Variants in ACTA2 observed in about 807,000 individuals in gnomAD.
ACTA2 encodes the protein actin, aortic smooth muscle.
In ACTA2, 12 loss-of-function variants were observed where a neutral mutation model predicts 39.5. The observed-to-expected ratio is 0.30, with a 90% CI of 0.19 to 0.49. The LOEUF (loss-of-function observed/expected upper bound fraction) is 0.49. Ranked by LOEUF, ACTA2 falls within the 20% of genes least tolerant of loss-of-function variation. The probability of loss-of-function intolerance (pLI) is 0.99; values close to 1 mark genes in which losing one functional copy is unlikely to be tolerated. For synonymous variants in ACTA2, 158 were observed against 180.6 expected, an observed-to-expected ratio of 0.88 and a Z score of 1.00; for missense variants, 236 against 498.8, an observed-to-expected ratio of 0.47 and a Z score of 5.02.
chr10:88,985,373 C>T (rs10887876), intron 1 of ACTA2, among the ~76,000 whole-genome samples: 22,679 of 152,176 alleles, frequency 0.15, 2,031 homozygotes, highest in East Asian at 0.42. Context: ...AAAACTCTTT[C>T]TCCCCATTGT....
At chr10:88,960,516 T>C (rs562731167) in intron 1 of ACTA2, among the ~76,000 whole-genome samples, 2 of 152,212 alleles carry the variant, frequency 1.3e-5, no homozygotes, top group Admixed American at 6.5e-5. Context: ...AAAAAAGCCA[T>C]ACCAAGAAGG....
chr10:88,939,207 G>C (rs937006956), intron 7 of ACTA2, among the ~76,000 whole-genome samples: 5 of 152,140 alleles, frequency 3.3e-5, no homozygotes, highest in African/African-American at 1.2e-4. Context: ...TCAGCCTTCA[G>C]CACACCCTTG....
intron 1 of ACTA2, among the ~76,000 whole-genome samples, chr10:88,970,678 T>C (rs1335659372): frequency 6.6e-6 from 1 of 152,032 alleles, no homozygotes; most frequent in Non-Finnish European, 1.5e-5. Context: ...ATGAGAACAC[T>C]TGGACACAGG....
In ACTA2 at chr10:88,948,911, C is replaced by T; in HGVS notation, c.20G>A (p.Ser7Asn). ...GCCATTGTCACACACCAAGGCAGTG[C>T]TGTCCTCTTCTTCACACATAGCTGG... MCEEED[S>N]TALVCDNGSG... Residue 7 changes from serine (S) to asparagine (N), a missense_variant, in exon 2 of 9, where the codon AGC (serine) becomes AAC (asparagine). By Grantham distance (46) the Ser-to-Asn change is conservative. Coordinates refer to ENST00000224784, the MANE Select transcript of ACTA2 (RefSeq NM_001613.4). 2.5e-6 allele frequency: 4 copies of T among 1,613,834 alleles called. No homozygotes were observed. Among genetic ancestry groups the T allele is most frequent in the Non-Finnish European group, 3.4e-6 (4 of 1,179,814 alleles).
In ACTA2 at chr10:88,935,336, C is replaced by G; in HGVS notation, c.1021G>C (p.Val341Leu). 6.2e-7 allele frequency: 1 copy of G among 1,613,918 alleles called. No homozygotes were observed. The highest frequency in any genetic ancestry group is 8.5e-7 in the Non-Finnish European group (1 of 1,179,872). Reference protein sequence around the residue: ...IIAPPERKYSVWIGGSILASL... With the variant: ...IIAPPERKYSLWIGGSILASL... ...GCCAGGATGGAGCCACCGATCCAGACAGAGTATTTGCGCTCCGGAGGGGCA... is the reference window on the plus strand; with the variant it reads ...GCCAGGATGGAGCCACCGATCCAGAGAGAGTATTTGCGCTCCGGAGGGGCA... Residue 341 changes from valine (V) to leucine (L), a missense_variant, in exon 9 of 9, where the codon GTC (valine) becomes CTC (leucine). By Grantham distance (32) the Val-to-Leu change is conservative. Transcript: ENST00000224784.
In ACTA2 at chr10:88,969,948, A is replaced by G. The variant is rs188346795; in HGVS notation, c.-24+20991T>C. ...TTTATGTTGAATGAATGAATGAACG[A>G]ATGAATGAATGCCTCTAACTCTTCA... On this transcript the variant is annotated intron_variant, in intron 1 of 4. Transcript: ENST00000415557. 1.7e-3 allele frequency among the ~76,000 whole-genome samples: 257 copies of G among 152,320 alleles called. No individual in the cohort carries two copies. In the Middle Eastern group the frequency reaches 0.02, roughly 12 times the overall value.
chr10:88,975,556 T>A (rs1364802312), intron 1 of ACTA2, among the ~76,000 whole-genome samples: 1 of 152,074 alleles, frequency 6.6e-6, no homozygotes, highest in Non-Finnish European at 1.5e-5. Flanking sequence ...AAGGGAACTA[T>A]CAGCAAATAA....
At chr10:88,960,305 C>T (rs1197055400) in intron 1 of ACTA2, among the ~76,000 whole-genome samples, 6 of 152,184 alleles carry the variant, frequency 3.9e-5, no homozygotes, top group African/African-American at 1.4e-4. Context: ...ACATGACATC[C>T]AGTTTGACCC....
intron 1 of ACTA2, among the ~76,000 whole-genome samples, chr10:88,977,484 C>T (rs998650446): frequency 6.6e-6 from 1 of 152,076 alleles, no homozygotes. Flanking sequence ...AGATATGCGG[C>T]GTTCAACCTA....
rs756858086 is a variant in ACTA2, at chr10:88,990,786, A to C, written c.-24+153T>G. Reference sequence around the variant, plus strand: ...ACCCTGAGGCCAGCCCTGGCTGCCCAGGCGGAGCTGCCTCTTCTCCCGCGG... The same window carrying C: ...ACCCTGAGGCCAGCCCTGGCTGCCCCGGCGGAGCTGCCTCTTCTCCCGCGG... On this transcript the variant is annotated intron_variant, in intron 1 of 4. Coordinates refer to the ACTA2 transcript ENST00000415557. The surrounding 1 kb of genome is among the most constrained non-coding windows in gnomAD (Gnocchi z 4.9). The C allele has an allele frequency of 6.4e-7, 1 of 1,560,154 alleles. No individual in the cohort carries two copies. The highest frequency in any genetic ancestry group is 8.8e-7 in the Non-Finnish European group (1 of 1,132,290).
At chr10:88,966,594 A>C (rs1846321631) in intron 1 of ACTA2, among the ~76,000 whole-genome samples, 1 of 152,196 alleles carries the variant, frequency 6.6e-6, no homozygotes, top group South Asian at 2.1e-4. Context: ...AGTTTCACAA[A>C]AGGAAAGCAT....
chr10:88,990,733 C>A lies in ACTA2; in HGVS notation c.-24+206G>T. On this transcript the variant is annotated intron_variant, in intron 1 of 4. Coordinates refer to the ACTA2 transcript ENST00000415557. The surrounding 1 kb of genome is among the most constrained non-coding windows in gnomAD (Gnocchi z 4.9). ...GGTTTACGAGTGACTTGGCTGGAGC[C>A]TCAGGGGCGGGCACTGGCACGGAAC... 1.0e-6 allele frequency: 1 copy of A among 963,556 alleles called. No homozygotes were observed. The highest frequency in any genetic ancestry group is 1.3e-5 in the South Asian group (1 of 74,860). The allele number at this position is 963,556 out of a possible 1,614,324, so 59.7% of individuals were successfully genotyped here.
At chr10:88,962,911 CCATATATA>C (rs1846250770) in intron 1 of ACTA2, among the ~76,000 whole-genome samples, 10 of 46,584 alleles carry the variant, frequency 2.1e-4, no homozygotes, top group Non-Finnish European at 3.3e-4. Flanking sequence ...GGGGAATGCC[CCATATATA>C]TATATATATA....
At chr10:88,948,036 A>G (rs1845984141) in intron 2 of ACTA2, among the ~76,000 whole-genome samples, 1 of 152,202 alleles carries the variant, frequency 6.6e-6, no homozygotes, top group Non-Finnish European at 1.5e-5. Context: ...ATTGCACTGC[A>G]GTGACTATTT....
chr10:88,948,915 C>T lies in ACTA2; in HGVS notation c.16G>A (p.Asp6Asn), dbSNP rs1244752076. 6.2e-7 allele frequency: 1 copy of T among 1,613,830 alleles called. No individual in the cohort carries two copies. The highest frequency in any genetic ancestry group is 1.1e-5 in the South Asian group (1 of 91,074). The change falls in exon 2 of 9, where the codon GAC becomes AAC. Residue 6 changes from aspartate to asparagine, a missense_variant. Transcript: ENST00000224784. Reference protein sequence around the residue: MCEEEDSTALVCDNGS... With the variant: MCEEENSTALVCDNGS... Reference sequence around the variant, plus strand: ...TTGTCACACACCAAGGCAGTGCTGTCCTCTTCTTCACACATAGCTGGAGCT... The same window carrying T: ...TTGTCACACACCAAGGCAGTGCTGTTCTCTTCTTCACACATAGCTGGAGCT...
chr10:88,980,225 T>C (rs1011292259), intron 1 of ACTA2, among the ~76,000 whole-genome samples: 3 of 151,920 alleles, frequency 2.0e-5, no homozygotes, highest in Non-Finnish European at 4.4e-5. Flanking sequence ...ATAATGCACT[T>C]TAAATGTACA....
upstream of ACTA2, among the ~76,000 whole-genome samples, chr10:88,956,726 C>T (rs1003144594): frequency 6.6e-6 from 1 of 152,212 alleles, no homozygotes; most frequent in African/African-American, 2.4e-5. Context: ...GTGTTGGCAT[C>T]AGATGTACTT....
chr10:88,973,073 G>T, intron 1 of ACTA2: 1 of 1,266,540 alleles, frequency 7.9e-7, no homozygotes, highest in South Asian at 1.6e-5. Flanking sequence ...TAAGTACTTA[G>T]TCTTTCAAAA....
chr10:88,986,936 A>C (rs983751), intron 1 of ACTA2, among the ~76,000 whole-genome samples: 137,357 of 152,256 alleles, frequency 0.9, 62,198 homozygotes, highest in East Asian at 0.99. Context: ...GTACTAGGTG[A>C]TTTGCATATG....
Sources: gnomAD v4.1 joint callset for allele counts (sites outside exome capture counted in the v4.1 genomes callset) on GRCh38, gnomAD v4.1.1 for gene constraint, Gnocchi (gnomAD v3.1) non-coding constraint, MANE v1.5 for transcripts, NCBI Gene and HGNC (gene_info 2026-07-23, HGNC 2026-07-21) for gene names.